PTGER3: variants seen among roughly 807,000 people sequenced by gnomAD.
PTGER3 encodes prostaglandin E2 receptor EP3 subtype.
Under a neutral mutation model 34.7 loss-of-function variants are expected in PTGER3, and 22 were observed. The ratio of observed to expected loss-of-function variants is 0.63; its 90% CI spans 0.45 to 0.91. The LOEUF (loss-of-function observed/expected upper bound fraction) is 0.91, where lower values mean the gene tolerates loss of function less well. Among genes scored for constraint, PTGER3 ranks in the 40% least tolerant of loss-of-function variants. PTGER3 has a pLI of 0.00. For missense variants in PTGER3, 468 were observed against 519.4 expected, an observed-to-expected ratio of 0.90 and a Z score of 0.96; for synonymous variants, 241 against 230.1, an observed-to-expected ratio of 1.05 and a Z score of -0.43.
intron 3 of PTGER3, 68 bp downstream of exon 3, chr1:70,974,229 C>T (rs770801344): frequency 6.3e-7 from 1 of 1,578,920 alleles, no homozygotes; most frequent in Non-Finnish European, 8.6e-7. Flanking sequence ...TTTGTAGCAT[C>T]AACTCCGATT....
intron 2 of PTGER3, chr1:71,009,769 T>C (rs1657282935): frequency 1.0e-6 from 1 of 985,218 alleles, no homozygotes; most frequent in South Asian, 4.7e-5. Flanking sequence ...TAGACATATG[T>C]ATGGACAAAC....
chr1:71,032,476 C>T (rs1659494600), intron 1 of PTGER3, among the ~76,000 whole-genome samples: 1 of 152,130 alleles, frequency 6.6e-6, no homozygotes, highest in Non-Finnish European at 1.5e-5. Context: ...AAATTAAAAC[C>T]TCACATGTAG....
At position 70,894,309 on chromosome 1, in the gene PTGER3, C is replaced by CAAAAA. The variant is rs35974984; in HGVS notation, c.*24-41455_*24-41451dup. Among the ~76,000 whole-genome samples, 321 of 46,528 alleles carry CAAAAA rather than the reference C, an allele frequency of 6.9e-3. 4 individuals carry two copies. The highest frequency in any genetic ancestry group is 8.3e-3 in the Non-Finnish European group (230 of 27,560). The allele number at this position is 46,528 out of a possible 152,430, so 30.5% of individuals were successfully genotyped here. The stretch of plus-strand genomic sequence containing the variant: ...GGGAAACAAGAACAAAACTCCATCT[C>CAAAAA]AAAAAAAAAAAAAAAAAAAAAAAAG... On this transcript the variant is annotated intron_variant, in intron 4 of 4. Transcript: ENST00000370931.
At chr1:70,900,517 T>C (rs1646812878) in intron 4 of PTGER3, among the ~76,000 whole-genome samples, 1 of 150,712 alleles carries the variant, frequency 6.6e-6, no homozygotes. Context: ...CAATTTTATA[T>C]CATAGTTATA....
chr1:70,994,100 T>C lies in PTGER3; in HGVS notation c.1077+18205A>G, dbSNP rs143878168. Among the ~76,000 whole-genome samples, 1,048 of 152,324 alleles carry C rather than the reference T, an allele frequency of 6.9e-3. 10 individuals are homozygous for C. Among genetic ancestry groups the C allele is most frequent in the Middle Eastern group, 0.017 (5 of 294 alleles). ...TTGCTCTGTTCCTGCCAACCACAGCTACCCTTCTCTCTTCTAGCCTGGCCG... is the reference window on the plus strand; with the variant it reads ...TTGCTCTGTTCCTGCCAACCACAGCCACCCTTCTCTCTTCTAGCCTGGCCG... On this transcript the variant is annotated intron_variant, in intron 2 of 3. Coordinates refer to ENST00000306666, the MANE Select transcript of PTGER3 (RefSeq NM_198719.2).
At chr1:70,936,013 A>G (rs1462989008) in intron 4 of PTGER3, among the ~76,000 whole-genome samples, 2 of 152,208 alleles carry the variant, frequency 1.3e-5, no homozygotes, top group East Asian at 3.8e-4. Flanking sequence ...GAATGCACCA[A>G]TACGTAACAA....
chr1:70,889,008 A>G (rs1646556667), intron 4 of PTGER3, among the ~76,000 whole-genome samples: 1 of 152,184 alleles, frequency 6.6e-6, no homozygotes, highest in Non-Finnish European at 1.5e-5. Flanking sequence ...AGCTGAATTT[A>G]TGTGGTGTTA....
In PTGER3 at chr1:70,961,169, C is replaced by A. The variant is rs972730086; in HGVS notation, c.1078-7380G>T. Among the ~76,000 whole-genome samples the A allele has an allele frequency of 4.6e-5, 7 of 152,310 alleles. No individual in the cohort carries two copies. In the East Asian group the frequency reaches 1.3e-3, roughly 29 times the overall value. On this transcript the variant is annotated intron_variant, in intron 2 of 3. Transcript: ENST00000356595. ...GGAAGGTTTAAAAAAATGCAAAATC[C>A]TCGGCCCCATGCCAGACTTTCTGAC...
intron 1 of PTGER3, among the ~76,000 whole-genome samples, chr1:71,044,221 C>G (rs1465739450): frequency 2.0e-5 from 3 of 151,492 alleles, no homozygotes; most frequent in East Asian, 4.0e-4. Context: ...CGGATCACCT[C>G]AGGTCAGGAG....
chr1:70,953,630 T>C, intron 3 of PTGER3: 1 of 1,311,060 alleles, frequency 7.6e-7, no homozygotes, highest in Non-Finnish European at 1.0e-6. Flanking sequence ...TGGGATAGGT[T>C]CCTTCACATT....
chr1:70,894,835 A>T (rs1646692461), intron 4 of PTGER3, among the ~76,000 whole-genome samples: 1 of 152,222 alleles, frequency 6.6e-6, no homozygotes, highest in Non-Finnish European at 1.5e-5. Context: ...GAGTTTAAGT[A>T]TTGTGCCTGA....
At chr1:70,962,714 G>T (rs1296417808) in intron 2 of PTGER3, among the ~76,000 whole-genome samples, 1 of 152,116 alleles carries the variant, frequency 6.6e-6, no homozygotes, top group Non-Finnish European at 1.5e-5. Flanking sequence ...CCTCCCCTCA[G>T]GTCCCTCCCA....
downstream of PTGER3, among the ~76,000 whole-genome samples, chr1:70,969,387 C>T (rs544919874): frequency 2.6e-5 from 4 of 152,232 alleles, no homozygotes; most frequent in South Asian, 8.3e-4. Flanking sequence ...GTTACCTTCG[C>T]TGATAATTTA....
intron 2 of PTGER3, among the ~76,000 whole-genome samples, chr1:71,002,588 C>T (rs1322539918): frequency 2.6e-5 from 4 of 152,144 alleles, no homozygotes; most frequent in Non-Finnish European, 5.9e-5. Context: ...TGAATAGTCA[C>T]AGGGATATTC....
chr1:70,991,763 G>T (rs548813348), intron 2 of PTGER3, among the ~76,000 whole-genome samples: 1 of 152,234 alleles, frequency 6.6e-6, no homozygotes, highest in African/African-American at 2.4e-5. Flanking sequence ...CTTACTAAGT[G>T]GCTAGAGGTA....
intron 2 of PTGER3, among the ~76,000 whole-genome samples, chr1:70,954,076 T>A (rs1204887423): frequency 6.6e-6 from 1 of 152,146 alleles, no homozygotes; most frequent in Non-Finnish European, 1.5e-5. Flanking sequence ...ATGCTTTCCC[T>A]GTCCCGTCCC....
chr1:71,025,449 G>GA (rs1411763691), intron 1 of PTGER3, among the ~76,000 whole-genome samples: 1 of 151,508 alleles, frequency 6.6e-6, no homozygotes, highest in African/African-American at 2.4e-5. Flanking sequence ...ATAGCCCAAG[G>GA]AAAAAAAGAA....
chr1:70,940,025 A>G (rs542034156), intron 4 of PTGER3, among the ~76,000 whole-genome samples: 1 of 152,276 alleles, frequency 6.6e-6, no homozygotes, highest in Admixed American at 6.5e-5. Flanking sequence ...CTTCTCTTAT[A>G]TAACTGAATG....
chr1:70,971,555 A>T lies in PTGER3; in HGVS notation c.*175T>A, dbSNP rs1175453599. The T allele has an allele frequency of 1.6e-6, 2 of 1,261,976 alleles. No homozygotes were observed. Among genetic ancestry groups the T allele is most frequent in the Admixed American group, 3.9e-5 (1 of 25,338 alleles). 78.2% of individuals were successfully genotyped at this position (1,261,976 alleles called of 1,614,324 possible). ...AATCTAATATTCAGAGGCATGGATT[A>T]TAATAATAAAGTTGATCTCCATGGG... On this transcript the variant is annotated 3_prime_UTR_variant, in exon 4 of 4. Transcript: ENST00000306666.
Sources: gnomAD v4.1 joint callset for allele counts (sites outside exome capture counted in the v4.1 genomes callset) on GRCh38, gnomAD v4.1.1 for gene constraint, MANE v1.5 for transcripts, NCBI Gene and HGNC (gene_info 2026-07-23, HGNC 2026-07-21) for gene names.